WDPCP: variants seen among roughly 807,000 people sequenced by gnomAD.
WDPCP encodes the protein WD repeat-containing and planar cell polarity effector protein fritz homolog.
WDPCP carries 71 observed loss-of-function variants against 93.1 expected under a neutral mutation model. That is an observed-to-expected ratio of 0.76 (90% confidence interval 0.63 to 0.93). The LOEUF (loss-of-function observed/expected upper bound fraction) is 0.93. WDPCP is among the 40% of genes least tolerant of loss of function. The pLI is 0.00. For missense variants in WDPCP, 844 were observed against 887.4 expected (o/e 0.95, Z 0.62); for synonymous variants, 315 against 315.0 (o/e 1.00, Z 0.00).
chr2:63,740,754 A>G (rs970462732), intron 2 of WDPCP, among the ~76,000 whole-genome samples: 1 of 152,136 alleles, frequency 6.6e-6, no homozygotes, highest in African/African-American at 2.4e-5. Flanking sequence ...TCCATAATAC[A>G]TTAAGAAGTT....
chr2:63,722,847 A>G (rs1669445304), intron 2 of WDPCP, among the ~76,000 whole-genome samples: 1 of 151,848 alleles, frequency 6.6e-6, no homozygotes, highest in Admixed American at 6.6e-5. Flanking sequence ...TAGAAAGGCG[A>G]GAAAGGTGGG....
intron 10 of WDPCP, among the ~76,000 whole-genome samples, chr2:63,385,056 A>C (rs1692619163): frequency 6.6e-6 from 1 of 151,176 alleles, no homozygotes; most frequent in African/African-American, 2.5e-5. Flanking sequence ...TTATGATGAG[A>C]AAAAAGAGAA....
At chr2:63,734,900 G>GACAT (rs1669617104) in intron 2 of WDPCP, among the ~76,000 whole-genome samples, 2 of 151,428 alleles carry the variant, frequency 1.3e-5, no homozygotes, top group African/African-American at 4.9e-5. Context: ...CAGACAGACA[G>GACAT]ACAGACAGAT....
intron 3 of WDPCP, among the ~76,000 whole-genome samples, chr2:63,487,114 A>G (rs1192995865): frequency 6.6e-6 from 1 of 152,050 alleles, no homozygotes; most frequent in Non-Finnish European, 1.5e-5. Flanking sequence ...TCAGGTGAGG[A>G]TCCAGGAGGC....
chr2:63,452,177 G>T (rs945203997), intron 6 of WDPCP, among the ~76,000 whole-genome samples: 4 of 152,164 alleles, frequency 2.6e-5, no homozygotes, highest in African/African-American at 7.2e-5. Context: ...TGACATGATT[G>T]TATATCTAGA....
chr2:63,473,958 C>T (rs2105839624), intron 6 of WDPCP, among the ~76,000 whole-genome samples: 1 of 152,186 alleles, frequency 6.6e-6, no homozygotes, highest in East Asian at 1.9e-4. Context: ...CCTGGTATGA[C>T]TTACTAGTTG....
In WDPCP at chr2:63,710,170, T is replaced by G. The variant is rs547207203; in HGVS notation, n.309-59332A>C. ...TCAACAAGCACCTTTGCCTTCTGGCTTAGTGATGGGCTTGGTGAGTGGGGT... is the reference window on the plus strand; with the variant it reads ...TCAACAAGCACCTTTGCCTTCTGGCGTAGTGATGGGCTTGGTGAGTGGGGT... On this transcript the variant is annotated intron_variant and non_coding_transcript_variant, in intron 2 of 4. Coordinates refer to the WDPCP transcript ENST00000467687. Among the ~76,000 whole-genome samples the G allele has an allele frequency of 1.1e-4, 16 of 152,310 alleles. No homozygotes were observed. In the South Asian group the frequency reaches 3.1e-3, roughly 30 times the overall value.
intron 17 of WDPCP, among the ~76,000 whole-genome samples, chr2:63,123,736 T>G (rs1161637492): frequency 2.6e-5 from 4 of 151,938 alleles, no homozygotes; most frequent in Non-Finnish European, 5.9e-5. Flanking sequence ...TAAATAAAAT[T>G]TGGAAAACAG....
At chr2:63,570,879 A>C (rs1400299713) in intron 1 of WDPCP, among the ~76,000 whole-genome samples, 1 of 151,950 alleles carries the variant, frequency 6.6e-6, no homozygotes, top group East Asian at 1.9e-4. Context: ...TCTGCCACTT[A>C]CACTTTATGA....
rs187049507 is a variant in WDPCP, at chr2:63,164,477, C to G, written c.2078+10193G>C. On this transcript the variant is annotated intron_variant, in intron 15 of 17. Transcript: ENST00000272321. ...GTTTAAAAGTGTGTGGCACCTCCCC[C>G]CAAACCCCTCTATTCCTCCTGCTCT... is the stretch of plus-strand genomic sequence containing the variant. 4.4e-3 allele frequency among the ~76,000 whole-genome samples: 669 copies of G among 152,156 alleles called. 4 individuals carry two copies. Among genetic ancestry groups the G allele is most frequent in the Non-Finnish European group, 5.9e-3 (400 of 67,984 alleles).
intron 3 of WDPCP, chr2:63,594,339 A>T (rs1171744910): frequency 1.3e-6 from 1 of 752,634 alleles, no homozygotes; most frequent in South Asian, 1.4e-5. Context: ...TATGCAGCAC[A>T]TTCATTTTCT....
chr2:63,187,115 T>G (rs918823670), intron 14 of WDPCP, among the ~76,000 whole-genome samples: 1 of 152,158 alleles, frequency 6.6e-6, no homozygotes, highest in East Asian at 1.9e-4. Context: ...TTATATAGTA[T>G]CCTTCTTAGT....
chr2:63,736,411 T>C (rs778861163), intron 2 of WDPCP, among the ~76,000 whole-genome samples: 2 of 152,248 alleles, frequency 1.3e-5, no homozygotes, highest in African/African-American at 4.8e-5. Context: ...AAATGCAATG[T>C]AGCAACCACT....
chr2:63,179,944 T>C (rs1674107670), intron 14 of WDPCP, among the ~76,000 whole-genome samples: 1 of 152,216 alleles, frequency 6.6e-6, no homozygotes, highest in African/African-American at 2.4e-5. Flanking sequence ...GAATGTTCCA[T>C]GTGCACTTGA....
At chr2:63,706,090 G>C (rs1316933744) in intron 2 of WDPCP, among the ~76,000 whole-genome samples, 6 of 152,204 alleles carry the variant, frequency 3.9e-5, no homozygotes, top group African/African-American at 1.4e-4. Flanking sequence ...TTGGTTTAAA[G>C]TCTGTTTTAT....
chr2:63,230,953 C>G (rs891681745), intron 14 of WDPCP, among the ~76,000 whole-genome samples: 2 of 152,142 alleles, frequency 1.3e-5, no homozygotes, highest in Non-Finnish European at 2.9e-5. Flanking sequence ...TCCCATTTCT[C>G]AACTTTGGCT....
chr2:63,664,043 A>G (rs1710256103), intron 2 of WDPCP, among the ~76,000 whole-genome samples: 1 of 152,170 alleles, frequency 6.6e-6, no homozygotes, highest in African/African-American at 2.4e-5. Context: ...AGATAATTAA[A>G]TCATTACATT....
chr2:63,452,313 G>C (rs1441225282), intron 6 of WDPCP, among the ~76,000 whole-genome samples: 2 of 152,154 alleles, frequency 1.3e-5, no homozygotes, highest in Non-Finnish European at 2.9e-5. Context: ...CAAAGAGAGA[G>C]CCAAATCACG....
In WDPCP at chr2:63,391,833, G is replaced by A. The variant is rs539539129; in HGVS notation, c.1436-9739C>T. 2.6e-4 allele frequency among the ~76,000 whole-genome samples: 40 copies of A among 152,302 alleles called. No individual in the cohort carries two copies. The South Asian group carries it at 6.8e-3, about 26-fold the overall frequency. On this transcript the variant is annotated intron_variant, in intron 10 of 17. Transcript: ENST00000272321. The stretch of plus-strand genomic sequence containing the variant: ...TCTAGGAATCAAACTTACAAGGGAT[G>A]TGAAGGACCTCTTCAAGGAGAACTA...
Sources: allele counts gnomAD v4.1 joint callset (sites outside exome capture counted in the v4.1 genomes callset), GRCh38; gene constraint gnomAD v4.1.1; transcripts MANE v1.5; gene names NCBI Gene and HGNC (gene_info 2026-07-23, HGNC 2026-07-21).